MICAL1: variants seen among roughly 807,000 people sequenced by gnomAD.
MICAL1 encodes microtubule associated monooxygenase, calponin and LIM domain containing 1.
A neutral mutation model predicts 131.8 loss-of-function variants in MICAL1; 95 were observed. That is an observed-to-expected ratio of 0.72 (90% CI 0.61 to 0.86). MICAL1 has a LOEUF of 0.86. MICAL1 is among the 40% of genes least tolerant of loss of function. MICAL1 has a pLI of 0.00. For synonymous variants in MICAL1, 546 were observed against 554.2 expected, an observed-to-expected ratio of 0.99 and a Z score of 0.21; for missense variants, 1,292 against 1,380.6, an observed-to-expected ratio of 0.94 and a Z score of 1.02.
intron 7 of MICAL1, among the ~76,000 whole-genome samples, chr6:109,451,014 A>G (rs1257232432): frequency 6.6e-6 from 1 of 152,154 alleles, no homozygotes; most frequent in Non-Finnish European, 1.5e-5. Flanking sequence ...TGTTCCAGGT[A>G]CTGGCAATTA....
chr6:109,461,792 T>TC (rs1775893901), intron 1 of MICAL1, among the ~76,000 whole-genome samples: 1 of 152,212 alleles, frequency 6.6e-6, no homozygotes, highest in Admixed American at 6.5e-5. Flanking sequence ...TTTCTTTTGG[T>TC]TCTATTAACC....
At position 109,447,062 on chromosome 6, in the gene MICAL1, G is replaced by A. The variant is rs767975298; in HGVS notation, c.2227+11C>T. On this transcript the variant is annotated intron_variant, in intron 17 of 24. Transcript: ENST00000358807. Reference sequence around the variant, plus strand: ...CCAGAGTCTCTCTGGAGGTCTCCCAGGCCCACTCACCATCTCCTGGGTGCT... The same window carrying A: ...CCAGAGTCTCTCTGGAGGTCTCCCAAGCCCACTCACCATCTCCTGGGTGCT... 49 of 1,613,082 alleles carry A rather than the reference G, an allele frequency of 3.0e-5. No homozygotes were observed. The South Asian group carries it at 4.8e-4, about 16-fold the overall frequency.
At chr6:109,453,451 A>G (rs1414130856) in intron 3 of MICAL1, 84 bp from the exon 4 acceptor site, 3 of 1,537,496 alleles carry the variant, frequency 2.0e-6, no homozygotes, top group Non-Finnish European at 2.7e-6. Flanking sequence ...TCAGGGTCAG[A>G]CTGGAAAAGG....
chr6:109,444,625 C>T, intron 24 of MICAL1, 100 bp downstream of exon 24: 7 of 1,408,124 alleles, frequency 5.0e-6, no homozygotes, highest in Non-Finnish European at 7.0e-6. Context: ...CTCAGAGGTA[C>T]ACAGACTAGA....
intron 20 of MICAL1, 51 bp from the exon 21 acceptor site, chr6:109,445,580 T>C: frequency 3.1e-6 from 5 of 1,599,472 alleles, no homozygotes; most frequent in African/African-American, 1.3e-5. Context: ...CCCTGGTGGA[T>C]AGGAGTGTTG....
At position 109,447,106 on chromosome 6, in the gene MICAL1, A is replaced by G; in HGVS notation, c.2194T>C (p.Trp732Arg). ...GGGTGCTGCTCGTAGCCACCTGGCC[A>G]CAGTGTGGCCTCACAGGTATGGCAG... The part of the protein sequence containing the change: ...FRCHTCEATL[W>R]PGGYEQHPGD... The change falls in exon 17 of 25, where the codon TGG becomes CGG. Residue 732 changes from tryptophan to arginine, a missense_variant. Trp to Arg is a moderately radical substitution (Grantham distance 101). Coordinates refer to ENST00000358807, the MANE Select transcript of MICAL1 (RefSeq NM_022765.4). 1 of 1,614,118 alleles carries G rather than the reference A, an allele frequency of 6.2e-7. No individual in the cohort carries two copies. The highest frequency in any genetic ancestry group is 8.5e-7 in the Non-Finnish European group (1 of 1,180,004).
At chr6:109,444,855 G>A (rs1282134678) in intron 23 of MICAL1, 41 bp downstream of exon 23, 1 of 1,613,168 alleles carries the variant, frequency 6.2e-7, no homozygotes, top group Non-Finnish European at 8.5e-7. Context: ...AGGGGCTGGA[G>A]CCTGGCCCAT....
rs768426903 is a variant in MICAL1, at chr6:109,447,660, C to A, written c.1986+21G>T. On this transcript the variant is annotated intron_variant, in intron 15 of 24. Coordinates refer to ENST00000358807, the MANE Select transcript of MICAL1 (RefSeq NM_022765.4). ...GATAAAATGTGGGGTAGGAGACCGA[C>A]CCGCCCCTGCCTGCATTCACCTCCA... 12 of 1,613,084 alleles carry A rather than the reference C, an allele frequency of 7.4e-6. No individual in the cohort carries two copies. In the East Asian group the frequency reaches 2.7e-4, roughly 36 times the overall value.
In MICAL1 at chr6:109,455,066, G is replaced by A. The variant is rs1422944433; in HGVS notation, c.-44+653C>T. ...CCCTACCCCGCCCCGCCCCCTGTGCGCCCGGGCGCGCTCTCCCAGGAATCT... is the reference window on the plus strand; with the variant it reads ...CCCTACCCCGCCCCGCCCCCTGTGCACCCGGGCGCGCTCTCCCAGGAATCT... On this transcript the variant is annotated intron_variant, in intron 1 of 24. Transcript: ENST00000358807. This position sits in a 1 kb window ranked among gnomAD's most constrained non-coding sequence, Gnocchi z 4.7. 6.7e-6 allele frequency among the ~76,000 whole-genome samples: 1 copy of A among 149,890 alleles called. No individual in the cohort carries two copies. The highest frequency in any genetic ancestry group is 1.5e-5 in the Non-Finnish European group (1 of 67,528).
At chr6:109,444,592 C>T (rs1392646394) in intron 24 of MICAL1, 133 bp downstream of exon 24, 5 of 1,168,014 alleles carry the variant, frequency 4.3e-6, no homozygotes, top group Non-Finnish European at 6.3e-6. Flanking sequence ...GGAGCCCCCT[C>T]CTCTGGCTTC....
chr6:109,458,493 G>T (rs898510527), upstream of MICAL1, among the ~76,000 whole-genome samples: 48 of 152,204 alleles, frequency 3.2e-4, no homozygotes, highest in African/African-American at 1.1e-3. Flanking sequence ...TACTCAGGAA[G>T]GCTGAGGCAG....
rs1775266081 is a variant in MICAL1, at chr6:109,447,202, A to G, written c.2098T>C (p.Cys700Arg). The change falls in exon 17 of 25, where the codon TGT becomes CGT. Residue 700 changes from cysteine to arginine, a missense_variant. Transcript: ENST00000358807. ...TCCAGGACATAGAGGTGTTCCCCAC[A>G]AAGTGCACACAGGTCCCCAGCACCG... ...EAGAGDLCAL[C>R]GEHLYVLERL... 10 of 1,614,104 alleles carry G rather than the reference A, an allele frequency of 6.2e-6. No individual in the cohort carries two copies. Among genetic ancestry groups the G allele is most frequent in the South Asian group, 1.1e-5 (1 of 91,082 alleles).
At position 109,448,241 on chromosome 6, in the gene MICAL1, T is replaced by A. The variant is rs959046830; in HGVS notation, c.1817A>T (p.His606Leu). Residue 606 changes from histidine to leucine, a missense_variant, in exon 13 of 25, where the codon CAC becomes CTC. His to Leu is a moderately conservative substitution (Grantham distance 99, BLOSUM62 -3). Coordinates refer to ENST00000358807, the MANE Select transcript of MICAL1 (RefSeq NM_022765.4). Reference protein sequence around the residue: ...DPLGLIAYLSHFHSAFKSMAH... With the variant: ...DPLGLIAYLSLFHSAFKSMAH... ...CATGCTCTTGAAGGCACTGTGGAAGTGGCTGAGGTAGGCAATGAGGCCCAG... is the reference window on the plus strand; with the variant it reads ...CATGCTCTTGAAGGCACTGTGGAAGAGGCTGAGGTAGGCAATGAGGCCCAG... 6.2e-7 allele frequency: 1 copy of A among 1,613,584 alleles called. No homozygotes were observed. The highest frequency in any genetic ancestry group is 8.5e-7 in the Non-Finnish European group (1 of 1,179,992).
At position 109,450,337 on chromosome 6, in the gene MICAL1, C is replaced by T. The variant is rs559938192; in HGVS notation, c.1154G>A (p.Arg385His). The T allele has an allele frequency of 1.4e-5, 23 of 1,610,142 alleles. No individual in the cohort carries two copies. Among genetic ancestry groups the T allele is most frequent in the Admixed American group, 5.0e-5 (3 of 59,980 alleles). Reference protein sequence around the residue: ...SARVQEKHGARLLLGLVGDCL... With the variant: ...SARVQEKHGAHLLLGLVGDCL... ...GTCCCCCACCAGTCCCAGCAGCAGG[C>T]GGGCGCCATGCTTCTCTTGCACACG... Residue 385 changes from arginine (R) to histidine (H), a missense_variant, in exon 8 of 25, where the codon CGC becomes CAC. Transcript: ENST00000358807.
At chr6:109,450,166 A>G (rs1334356272) in intron 8 of MICAL1, 81 bp from the exon 9 acceptor site, 1 of 1,566,674 alleles carries the variant, frequency 6.4e-7, no homozygotes, top group Non-Finnish European at 8.7e-7. Flanking sequence ...CCCAGGTCAC[A>G]GCAGAAGGGG....
intron 8 of MICAL1, 48 bp downstream of exon 8, chr6:109,450,252 A>G (rs543237073): frequency 6.3e-7 from 1 of 1,584,416 alleles, no homozygotes; most frequent in Non-Finnish European, 8.6e-7. Flanking sequence ...CATACTAGGC[A>G]GCTCCCTCCC....
intron 7 of MICAL1, 119 bp from the exon 8 acceptor site, chr6:109,450,676 C>G (rs574387738): frequency 1.8e-6 from 2 of 1,117,454 alleles, no homozygotes; most frequent in African/African-American, 3.2e-5. Flanking sequence ...AGGGGCTGCC[C>G]TAGACTACAC....
chr6:109,450,061 C>T lies in MICAL1; in HGVS notation c.1216G>A (p.Val406Met), dbSNP rs1775472008. The part of the protein sequence containing the change: ...VEPFWPLGTG[V>M]ARGFLAAFDA... ...AAGGCTGCCAGGAAGCCCCGTGCCA[C>T]TCCAGTGCCCAGGGGCCAGAAGGGC... The change falls in exon 9 of 25, where the codon GTG (valine) becomes ATG (methionine). Residue 406 changes from valine to methionine, a missense_variant. Coordinates refer to ENST00000358807, the MANE Select transcript of MICAL1 (RefSeq NM_022765.4). The T allele has an allele frequency of 2.5e-6, 4 of 1,613,988 alleles. No individual in the cohort carries two copies. The highest frequency in any genetic ancestry group is 2.7e-5 in the African/African-American group (2 of 74,908).
exon 1 of MICAL1, chr6:109,465,725 C>A: frequency 6.2e-7 from 1 of 1,608,992 alleles, no homozygotes; most frequent in Non-Finnish European, 8.5e-7. Context: ...CATCAGTTAG[C>A]CATCACAGCT....
Sources: gnomAD v4.1 joint callset for allele counts (sites outside exome capture counted in the v4.1 genomes callset) on GRCh38, gnomAD v4.1.1 for gene constraint, Gnocchi (gnomAD v3.1) non-coding constraint, MANE v1.5 for transcripts, NCBI Gene and HGNC (gene_info 2026-07-23, HGNC 2026-07-21) for gene names.